SLC35D2: variants seen among roughly 807,000 people sequenced by gnomAD.
SLC35D2 encodes solute carrier family 35 member D2.
Under a neutral mutation model 41.8 loss-of-function variants are expected in SLC35D2, and 43 were observed. The observed-to-expected ratio is 1.03, with a 90% CI of 0.81 to 1.33. SLC35D2 has a LOEUF of 1.33. Among genes scored for constraint, SLC35D2 ranks in the 40% most tolerant of loss-of-function variants. SLC35D2 has a pLI of 0.00. For missense variants in SLC35D2, 380 were observed against 408.4 expected (o/e 0.93, Z 0.60); for synonymous variants, 150 against 163.9 (o/e 0.92, Z 0.65).
rs1554715405 is a variant in SLC35D2 at position 96,358,080 on chromosome 9, T to TATATATATATATATATATATATATATATA, written c.347+2073_347+2074insTATATATATATATATATATATATATATAT. On this transcript the variant is annotated intron_variant, in intron 4 of 11. Transcript: ENST00000253270. The stretch of plus-strand genomic sequence containing the variant: ...ATGGATAAACAAAATATTATATATT[T>TATATATATATATATATATATATATATATA]TATATATATATATATATATATATAT... Among the ~76,000 whole-genome samples the TATATATATATATATATATATATATATATA allele has an allele frequency of 1.1e-4, 14 of 122,696 alleles. 1 individual carries two copies. The highest frequency in any genetic ancestry group is 2.0e-4 in the East Asian group (1 of 5,006). 80.5% of individuals were successfully genotyped at this position (122,696 alleles called of 152,430 possible).
At chr9:96,339,666 T>C (rs1564097072) in intron 8 of SLC35D2, among the ~76,000 whole-genome samples, 1 of 152,180 alleles carries the variant, frequency 6.6e-6, no homozygotes, top group Admixed American at 6.6e-5. Context: ...CTATTATTTA[T>C]CTCTATTCAT....
intron 7 of SLC35D2, among the ~76,000 whole-genome samples, chr9:96,344,567 A>T (rs1321187726): frequency 3.1e-4 from 10 of 32,084 alleles, no homozygotes; most frequent in Non-Finnish European, 2.8e-4. Context: ...CAGAGCAGAT[A>T]AAAAAAAAAA....
chr9:96,345,305 G>A lies in SLC35D2; in HGVS notation c.585C>T (p.Asp195=). ...ANGVYTKQKM[D]PKELGKYGVL... ...CATAGGCAAGGTCTGGTACCTTTGG[G>A]TCCATTTTCTGTTTGGTATAAACTC... Residue 195 remains aspartate, a synonymous_variant, in exon 7 of 12, where the codon GAC becomes GAT. Coordinates refer to ENST00000253270, the MANE Select transcript of SLC35D2 (RefSeq NM_007001.3). 1 of 1,588,978 alleles carries A rather than the reference G, an allele frequency of 6.3e-7. No homozygotes were observed.
rs1554715405 is a variant in SLC35D2, at chr9:96,358,080, T to TATATATATATATATATATATATATA, written c.347+2073_347+2074insTATATATATATATATATATATATAT. ...ATGGATAAACAAAATATTATATATT[T>TATATATATATATATATATATATATA]TATATATATATATATATATATATAT... is the stretch of plus-strand genomic sequence containing the variant. On this transcript the variant is annotated intron_variant, in intron 4 of 11. Coordinates refer to ENST00000253270, the MANE Select transcript of SLC35D2 (RefSeq NM_007001.3). 5.1e-4 allele frequency among the ~76,000 whole-genome samples: 62 copies of TATATATATATATATATATATATATA among 122,648 alleles called. 1 individual carries two copies. Among genetic ancestry groups the TATATATATATATATATATATATATA allele is most frequent in the Non-Finnish European group, 7.5e-4 (47 of 62,890 alleles). 80.5% of individuals were successfully genotyped at this position (122,648 alleles called of 152,430 possible).
At chr9:96,317,153 T>C (rs1301108716), downstream of SLC35D2, among the ~76,000 whole-genome samples, 1 of 149,994 alleles carries the variant, frequency 6.7e-6, no homozygotes, top group South Asian at 2.1e-4. Flanking sequence ...AAAAAAAAAG[T>C]ATTAAAACAG....
intron 1 of SLC35D2, among the ~76,000 whole-genome samples, chr9:96,371,291 C>G (rs1366307328): frequency 6.6e-6 from 1 of 151,418 alleles, no homozygotes; most frequent in African/African-American, 2.4e-5. Context: ...ATGGTGAAAC[C>G]CCATCTCTAC....
intron 3 of SLC35D2, among the ~76,000 whole-genome samples, chr9:96,363,031 T>C (rs74699469): frequency 0.026 from 3,988 of 152,150 alleles, 78 homozygotes; most frequent in Middle Eastern, 0.054. Flanking sequence ...CACGCCCGGC[T>C]AATTTTTTTG....
chr9:96,365,198 T>C (rs761656972), intron 2 of SLC35D2, among the ~76,000 whole-genome samples: 1 of 151,332 alleles, frequency 6.6e-6, no homozygotes, highest in Non-Finnish European at 1.5e-5. Context: ...TACAAAAAAA[T>C]ACAAAAAATT....
At chr9:96,366,042 G>A (rs1322761465) in intron 2 of SLC35D2, among the ~76,000 whole-genome samples, 2 of 152,044 alleles carry the variant, frequency 1.3e-5, no homozygotes, top group African/African-American at 4.8e-5. Context: ...AGTGGCTCAC[G>A]CCCATAATCC....
chr9:96,377,133 A>C (rs1830995820), intron 1 of SLC35D2, among the ~76,000 whole-genome samples: 1 of 151,662 alleles, frequency 6.6e-6, no homozygotes. Flanking sequence ...ACTGAGGAGG[A>C]GGCCTGGGGA....
chr9:96,368,408 A>C, intron 1 of SLC35D2, 103 bp from the exon 2 acceptor site: 1 of 905,950 alleles, frequency 1.1e-6, no homozygotes, highest in South Asian at 1.8e-5. Context: ...AGAAAATGAA[A>C]ATTTATCAAA....
intron 8 of SLC35D2, among the ~76,000 whole-genome samples, chr9:96,339,682 G>A (rs933854902): frequency 1.3e-5 from 2 of 152,098 alleles, no homozygotes; most frequent in South Asian, 4.2e-4. Flanking sequence ...TTCATCAACT[G>A]TAATATACTA....
At chr9:96,383,215 G>A (rs748918481) in intron 1 of SLC35D2, among the ~76,000 whole-genome samples, 1 of 152,170 alleles carries the variant, frequency 6.6e-6, no homozygotes, top group African/African-American at 2.4e-5. Flanking sequence ...GAATCTGTCT[G>A]AGCTCTACCA....
At chr9:96,340,305 T>C (rs377443096) in intron 8 of SLC35D2, among the ~76,000 whole-genome samples, 14 of 152,124 alleles carry the variant, frequency 9.2e-5, no homozygotes, top group African/African-American at 3.4e-4. Flanking sequence ...TGGCATCTCG[T>C]CATACAATAC....
chr9:96,366,631 AT>A (rs1446585827), intron 2 of SLC35D2, among the ~76,000 whole-genome samples: 14 of 149,632 alleles, frequency 9.4e-5, no homozygotes, highest in Non-Finnish European at 4.4e-5. Flanking sequence ...TGTTCAAGCA[AT>A]TTCTGACTAA....
At chr9:96,381,271 G>C (rs1037161041) in intron 1 of SLC35D2, among the ~76,000 whole-genome samples, 5 of 152,264 alleles carry the variant, frequency 3.3e-5, no homozygotes, top group African/African-American at 1.2e-4. Flanking sequence ...CAGCCACAGT[G>C]ATTTAGATCA....
intron 3 of SLC35D2, among the ~76,000 whole-genome samples, chr9:96,363,127 G>A (rs10990702): frequency 0.55 from 83,045 of 151,330 alleles, 25,193 homozygotes; most frequent in African/African-American, 0.83. Flanking sequence ...TTGGCCTCCC[G>A]AAGTGCTGGG....
At chr9:96,370,381 G>A (rs539014964) in intron 1 of SLC35D2, among the ~76,000 whole-genome samples, 4 of 152,342 alleles carry the variant, frequency 2.6e-5, no homozygotes, top group African/African-American at 9.6e-5. Context: ...ACCCGGCTAG[G>A]AGTGGTGGCT....
At chr9:96,316,623 C>T (rs139765939), downstream of SLC35D2, among the ~76,000 whole-genome samples, 656 of 152,268 alleles carry the variant, frequency 4.3e-3, 12 homozygotes, top group African/African-American at 0.015. Context: ...TAAGAGCCCC[C>T]AAGTTACCAA....
Sources: gnomAD v4.1 joint callset for allele counts (sites outside exome capture counted in the v4.1 genomes callset) on GRCh38, gnomAD v4.1.1 for gene constraint, MANE v1.5 for transcripts, NCBI Gene and HGNC (gene_info 2026-07-23, HGNC 2026-07-21) for gene names.